IFT80: variants seen among roughly 807,000 people sequenced by gnomAD.
IFT80 encodes the protein intraflagellar transport 80, also known as intraflagellar transport protein 80 homolog.
Under a neutral mutation model 107.9 loss-of-function variants are expected in IFT80, and 79 were observed. That is an observed-to-expected ratio of 0.73 (90% confidence interval 0.61 to 0.88). The LOEUF is 0.88. Ranked by LOEUF, IFT80 falls within the 40% of genes least tolerant of loss-of-function variation. The pLI is 0.00. For synonymous variants in IFT80, 299 were observed against 300.9 expected (o/e 0.99, Z 0.07); for missense variants, 797 against 914.2 (o/e 0.87, Z 1.65).
intron 19 of IFT80, among the ~76,000 whole-genome samples, chr3:160,263,836 C>T (rs1464414610): frequency 6.6e-6 from 1 of 152,002 alleles, no homozygotes; most frequent in African/African-American, 2.4e-5. Context: ...GCCACCACGC[C>T]TGCTAATTTT....
chr3:160,303,251 T>C (rs1716574734), intron 11 of IFT80, among the ~76,000 whole-genome samples: 1 of 152,232 alleles, frequency 6.6e-6, no homozygotes, highest in Non-Finnish European at 1.5e-5. Context: ...GTCTAAGTCC[T>C]CCTCTGATTC....
At chr3:160,380,695 C>T (rs570475245) in intron 3 of IFT80, among the ~76,000 whole-genome samples, 2 of 150,084 alleles carry the variant, frequency 1.3e-5, no homozygotes, top group African/African-American at 2.5e-5. Context: ...TAAAAACATA[C>T]CCTTAAAAAG....
intron 6 of IFT80, among the ~76,000 whole-genome samples, chr3:160,364,978 G>T (rs898707288): frequency 1.3e-5 from 2 of 149,750 alleles, no homozygotes; most frequent in Non-Finnish European, 3.0e-5. Flanking sequence ...TTGTGCACAT[G>T]TACCCTAGAA....
chr3:160,375,850 G>T lies in IFT80; in HGVS notation c.401C>A (p.Ser134Ter). The T allele has an allele frequency of 3.7e-6, 6 of 1,611,074 alleles. No individual in the cohort carries two copies. Among genetic ancestry groups the T allele is most frequent in the South Asian group, 1.1e-5 (1 of 90,912 alleles). ...VGEDGQIKIW[S>*]KTGMLRSTLA... The stretch of plus-strand genomic sequence containing the variant: ...AGTTGATCTAAGCATCCCAGTCTTT[G>T]ACCAAATTTTTATTTGTCCATCTTC... The change falls in exon 5 of 20, where the codon TCA (serine) becomes TAA (stop). Residue 134 changes from serine (S) to a stop codon, truncating the protein, a stop_gained. Transcript: ENST00000326448. LOFTEE classifies it high-confidence loss of function.
chr3:160,362,911 A>T (rs1465865867), intron 6 of IFT80, among the ~76,000 whole-genome samples: 1 of 152,242 alleles, frequency 6.6e-6, no homozygotes, highest in East Asian at 1.9e-4. Flanking sequence ...AGCCAATATC[A>T]TACTGAATGG....
intron 9 of IFT80, among the ~76,000 whole-genome samples, chr3:160,314,760 C>T (rs1717667806): frequency 6.6e-6 from 1 of 152,084 alleles, no homozygotes; most frequent in Non-Finnish European, 1.5e-5. Context: ...CGAATCCTCC[C>T]AAGTGTCCAG....
At chr3:160,355,888 A>G in intron 8 of IFT80, 125 bp downstream of exon 8, 1 of 1,171,158 alleles carries the variant, frequency 8.5e-7, no homozygotes. Flanking sequence ...TATTAAGAAG[A>G]CAAATCAGAA....
At position 160,378,833 on chromosome 3, in the gene IFT80, G is replaced by A. The variant is rs544672494; in HGVS notation, c.260-1293C>T. 6.0e-4 allele frequency among the ~76,000 whole-genome samples: 91 copies of A among 152,092 alleles called. 1 individual carries two copies. The highest frequency in any genetic ancestry group is 2.0e-3 in the African/African-American group (85 of 41,518). On this transcript the variant is annotated intron_variant, in intron 3 of 19. Coordinates refer to ENST00000326448, the MANE Select transcript of IFT80 (RefSeq NM_020800.3). ...GGCATGGGACAGGAAGCTCTTCCTT[G>A]GAGTAGAATACCAACTAATCAATAT...
chr3:160,339,166 T>C (rs1463143198), intron 8 of IFT80, among the ~76,000 whole-genome samples: 1 of 152,222 alleles, frequency 6.6e-6, no homozygotes, highest in East Asian at 1.9e-4. Flanking sequence ...ACACATAAGA[T>C]ACTGTATGTA....
chr3:160,385,826 T>C (rs911382923), intron 1 of IFT80, among the ~76,000 whole-genome samples: 1 of 152,228 alleles, frequency 6.6e-6, no homozygotes, highest in African/African-American at 2.4e-5. Flanking sequence ...AAAAGACTAA[T>C]AACATTTTAC....
intron 1 of IFT80, among the ~76,000 whole-genome samples, chr3:160,389,367 A>T (rs978570755): frequency 2.6e-5 from 4 of 151,964 alleles, no homozygotes; most frequent in African/African-American, 9.7e-5. Flanking sequence ...TTTAGGGTAC[A>T]TGTGCACAAT....
intron 1 of IFT80, among the ~76,000 whole-genome samples, chr3:160,395,635 G>T (rs1421866310): frequency 6.6e-6 from 1 of 152,178 alleles, no homozygotes; most frequent in Admixed American, 6.5e-5. Context: ...TAGAAGATAT[G>T]AGGCTGGAGT....
chr3:160,278,670 C>A (rs1714456254), intron 16 of IFT80, among the ~76,000 whole-genome samples: 1 of 152,156 alleles, frequency 6.6e-6, no homozygotes, highest in East Asian at 1.9e-4. Context: ...TCACCACCAA[C>A]AACCCATTGT....
At chr3:160,354,740 G>A (rs1219636496) in intron 8 of IFT80, among the ~76,000 whole-genome samples, 1 of 152,156 alleles carries the variant, frequency 6.6e-6, no homozygotes, top group Non-Finnish European at 1.5e-5. Context: ...TCCATGAAAT[G>A]AGAAAATGAG....
At chr3:160,294,257 T>G (rs1715803170) in intron 12 of IFT80, among the ~76,000 whole-genome samples, 1 of 152,118 alleles carries the variant, frequency 6.6e-6, no homozygotes, top group South Asian at 2.1e-4. Flanking sequence ...CCTGCTCTGA[T>G]GCCCAGGCTG....
In IFT80 at chr3:160,277,339, A is replaced by T; in HGVS notation, c.2066T>A (p.Ile689Asn). 1 of 1,613,268 alleles carries T rather than the reference A, an allele frequency of 6.2e-7. No individual in the cohort carries two copies. Reference sequence around the variant, plus strand: ...GTTGTAGAGATTAATATTGATCTGGATTGCTTGATAAACAAGGCCAGCCTG... The same window carrying T: ...GTTGTAGAGATTAATATTGATCTGGTTTGCTTGATAAACAAGGCCAGCCTG... ...LLQAGLVYQA[I>N]QININLYNWE... Residue 689 changes from isoleucine to asparagine, a missense_variant, in exon 18 of 20, where the codon ATC becomes AAC. Physicochemically the swap from Ile to Asn is moderately radical, Grantham distance 149 (BLOSUM62 -3). Transcript: ENST00000326448.
chr3:160,271,523 T>C (rs992097130), intron 18 of IFT80, among the ~76,000 whole-genome samples: 1 of 152,146 alleles, frequency 6.6e-6, no homozygotes, highest in Non-Finnish European at 1.5e-5. Context: ...GAGAACAGAC[T>C]ACTACCAAAT....
chr3:160,302,674 TAA>T (rs1716531495), intron 11 of IFT80, among the ~76,000 whole-genome samples: 1 of 152,064 alleles, frequency 6.6e-6, no homozygotes, highest in Non-Finnish European at 1.5e-5. Flanking sequence ...TTCGAACTGT[TAA>T]AGTAAAAAGC....
At chr3:160,389,397 G>A (rs1046527833) in intron 1 of IFT80, among the ~76,000 whole-genome samples, 1 of 151,556 alleles carries the variant, frequency 6.6e-6, no homozygotes, top group African/African-American at 2.4e-5. Context: ...AGTTACATAT[G>A]TATACATGTG....
Sources: allele counts gnomAD v4.1 joint callset (sites outside exome capture counted in the v4.1 genomes callset), GRCh38; gene constraint gnomAD v4.1.1; transcripts MANE v1.5; gene names NCBI Gene and HGNC (gene_info 2026-07-23, HGNC 2026-07-21).